The following OVCH1 variants were observed in gnomAD, a reference collection of about 807,000 sequenced individuals.
OVCH1 encodes ovochymase-1.
In OVCH1, 139 loss-of-function variants were observed where a neutral mutation model predicts 138.4. The observed-to-expected ratio is 1.00, with a 90% confidence interval of 0.87 to 1.16. The LOEUF (loss-of-function observed/expected upper bound fraction) is 1.16. Ranked by LOEUF, OVCH1 falls within the 50% of genes most tolerant of loss-of-function variation. The pLI is 0.00. For synonymous variants in OVCH1, 453 were observed against 467.8 expected, an observed-to-expected ratio of 0.97 and a Z score of 0.41; for missense variants, 1,367 against 1,357.9, an observed-to-expected ratio of 1.01 and a Z score of -0.11.
chr12:29,425,794 A>C (rs868821407), downstream of OVCH1: 1 of 152,228 alleles, frequency 6.6e-6, no homozygotes, highest in South Asian at 2.1e-4. Context: ...ATTAAGCAGA[A>C]CAAGTTTTGT....
Position 29,487,897 on chromosome 12 carries a change from A to T in OVCH1, c.703-15T>A, listed in dbSNP as rs763204249. Reference sequence around the variant, plus strand: ...CCAGAGTCCCCCTTTCATGGTACAAAAAAAGAGAAAATTTGAAAATAGCCA... The same window carrying T: ...CCAGAGTCCCCCTTTCATGGTACAATAAAAGAGAAAATTTGAAAATAGCCA... On this transcript the variant is annotated splice_polypyrimidine_tract_variant and intron_variant, in intron 6 of 27. Coordinates refer to ENST00000318184, the Ensembl canonical transcript of OVCH1. The T allele has an allele frequency of 2.8e-5, 45 of 1,590,958 alleles. 1 individual carries two copies. In the South Asian group the frequency reaches 4.7e-4, roughly 17 times the overall value.
At chr12:29,426,488 A>AG (rs1368743706), downstream of OVCH1, among the ~76,000 whole-genome samples, 8 of 152,206 alleles carry the variant, frequency 5.3e-5, no homozygotes, top group African/African-American at 1.4e-4. Flanking sequence ...ATCCTCCACT[A>AG]GCTCAAGAGT....
intron 19 of OVCH1, among the ~76,000 whole-genome samples, chr12:29,461,231 A>C (rs1011381921): frequency 7.9e-5 from 12 of 152,160 alleles, no homozygotes; most frequent in Non-Finnish European, 1.5e-5. Flanking sequence ...CAGGGATTGG[A>C]GGTAGGCACA....
At chr12:29,487,578 T>C (rs572820384) in intron 7 of OVCH1, 115 bp downstream of exon 7, 1 of 1,082,510 alleles carries the variant, frequency 9.2e-7, no homozygotes, top group South Asian at 1.7e-5. Flanking sequence ...GGACTAAGAA[T>C]TTAAAACCAG....
At chr12:29,473,195 T>C in intron 14 of OVCH1, 92 bp from the exon 15 acceptor site, 2 of 829,678 alleles carry the variant, frequency 2.4e-6, no homozygotes, top group East Asian at 2.7e-5. Flanking sequence ...AAAACTACTC[T>C]ACTGTAGATC....
At chr12:29,485,773 G>C (rs1232544170) in intron 8 of OVCH1, among the ~76,000 whole-genome samples, 4 of 150,348 alleles carry the variant, frequency 2.7e-5, no homozygotes, top group Non-Finnish European at 4.4e-5. Flanking sequence ...ATGAGACTCT[G>C]TCTCAAAAAG....
intron 27 of OVCH1, among the ~76,000 whole-genome samples, chr12:29,433,178 G>T (rs1378362255): frequency 6.6e-6 from 1 of 151,968 alleles, no homozygotes; most frequent in East Asian, 1.9e-4. Flanking sequence ...ATATGGTTTT[G>T]CTGTGTCCAC....
Position 29,489,603 on chromosome 12 carries a change from G to T in OVCH1, c.702+17C>A, listed in dbSNP as rs1943217534. Reference sequence around the variant, plus strand: ...CCACATGTTACTGAACAGCTAGGCTGGTTTACACTTTTGTACCTGGCAGGC... The same window carrying T: ...CCACATGTTACTGAACAGCTAGGCTTGTTTACACTTTTGTACCTGGCAGGC... On this transcript the variant is annotated intron_variant, in intron 6 of 27. Coordinates refer to ENST00000318184, the Ensembl canonical transcript of OVCH1. The T allele has an allele frequency of 1.3e-6, 2 of 1,595,260 alleles. No individual in the cohort carries two copies. Among genetic ancestry groups the T allele is most frequent in the South Asian group, 2.3e-5 (2 of 87,880 alleles).
the OVCH1 span, among the ~76,000 whole-genome samples, chr12:29,406,273 C>G: frequency 6.6e-6 from 1 of 152,018 alleles, no homozygotes; most frequent in African/African-American, 2.4e-5. Context: ...AATATAATGA[C>G]CTAAAACCCA....
At chr12:29,423,931 C>T (rs1043783175), downstream of OVCH1, among the ~76,000 whole-genome samples, 4 of 152,026 alleles carry the variant, frequency 2.6e-5, no homozygotes, top group Non-Finnish European at 4.4e-5. Flanking sequence ...CAACAAATAA[C>T]CTGGAAGTTT....
At chr12:29,444,705 A>AG (rs992365675) in intron 23 of OVCH1, among the ~76,000 whole-genome samples, 2 of 152,124 alleles carry the variant, frequency 1.3e-5, no homozygotes, top group South Asian at 2.1e-4. Context: ...TTAGGTGCCA[A>AG]GGGGGGAAAC....
chr12:29,478,137 G>A (rs148255604), intron 9 of OVCH1, among the ~76,000 whole-genome samples: 21 of 152,264 alleles, frequency 1.4e-4, no homozygotes, highest in African/African-American at 4.1e-4. Context: ...GGTTAACACA[G>A]AGTATTTCAA....
intron 22 of OVCH1, among the ~76,000 whole-genome samples, chr12:29,448,867 T>C (rs760276307): frequency 4.6e-5 from 7 of 152,118 alleles, no homozygotes; most frequent in Non-Finnish European, 1.0e-4. Flanking sequence ...AGCATAAATA[T>C]ATACCACACA....
At chr12:29,473,496 C>T (rs1942587560) in intron 14 of OVCH1, among the ~76,000 whole-genome samples, 1 of 152,098 alleles carries the variant, frequency 6.6e-6, no homozygotes, top group African/African-American at 2.4e-5. Context: ...CAATCTAAAT[C>T]TCTTTCCTGA....
In OVCH1 at chr12:29,436,924, G is replaced by A. The variant is rs563639111; in HGVS notation, c.3264+2404C>T. Among the ~76,000 whole-genome samples the A allele has an allele frequency of 9.7e-4, 148 of 152,282 alleles. 2 individuals carry two copies. In the South Asian group the frequency reaches 0.017, roughly 17 times the overall value. The stretch of plus-strand genomic sequence containing the variant: ...CCACAGCATGGAAAGGGACCCAAGC[G>A]GGTTGCTGCTGCTGGCCCCGGTGGC... On this transcript the variant is annotated intron_variant, in intron 26 of 27. Coordinates refer to ENST00000318184, the Ensembl canonical transcript of OVCH1.
At chr12:29,476,151 G>T in intron 13 of OVCH1, 55 bp downstream of exon 13, 2 of 1,415,608 alleles carry the variant, frequency 1.4e-6, no homozygotes, top group South Asian at 1.2e-5. Flanking sequence ...AGCCCATGTT[G>T]CCACTACTCT....
At chr12:29,472,492 C>A (rs949113222) in intron 15 of OVCH1, among the ~76,000 whole-genome samples, 3 of 152,264 alleles carry the variant, frequency 2.0e-5, no homozygotes, top group East Asian at 3.9e-4. Flanking sequence ...ATTGATGAGA[C>A]CCATAGCCCA....
intron 4 of OVCH1, among the ~76,000 whole-genome samples, chr12:29,494,398 T>C (rs10843436): frequency 0.55 from 84,295 of 151,938 alleles, 23,810 homozygotes; most frequent in Middle Eastern, 0.66. Context: ...ATATTACCTG[T>C]GTTGAGAGAG....
At chr12:29,405,426 T>C in the OVCH1 span, among the ~76,000 whole-genome samples, 1 of 152,162 alleles carries the variant, frequency 6.6e-6, no homozygotes, top group African/African-American at 2.4e-5. Context: ...TGCCAAGAGG[T>C]ACCTTTGCCT....
Sources: gnomAD v4.1 joint callset for allele counts (sites outside exome capture counted in the v4.1 genomes callset) on GRCh38, gnomAD v4.1.1 for gene constraint, MANE v1.5 for transcripts, NCBI Gene and HGNC (gene_info 2026-07-23, HGNC 2026-07-21) for gene names.